The following BAZ2A variants were observed in gnomAD, a reference collection of about 807,000 sequenced individuals.
BAZ2A encodes the protein bromodomain adjacent to zinc finger domain protein 2A.
Under a neutral mutation model 199.9 loss-of-function variants are expected in BAZ2A, and 34 were observed. The ratio of observed to expected loss-of-function variants is 0.17; its 90% CI spans 0.13 to 0.23. BAZ2A has a LOEUF of 0.23. Among genes scored for constraint, BAZ2A ranks in the 10% least tolerant of loss-of-function variants. The pLI is 1.00. For synonymous variants in BAZ2A, 857 were observed against 883.9 expected (o/e 0.97, Z 0.54); for missense variants, 2,002 against 2,391.1 (o/e 0.84, Z 3.39).
At chr12:56,605,508 A>AC (rs1373713343) in intron 13 of BAZ2A, 181 bp from the exon 14 acceptor site, 1 of 703,046 alleles carries the variant, frequency 1.4e-6, no homozygotes, top group African/African-American at 1.8e-5. Context: ...TGCAGCCTCG[A>AC]CCTCCTAAGC....
At chr12:56,636,241 C>T (rs1276459183) in exon 1 of BAZ2A, 10 of 1,574,102 alleles carry the variant, frequency 6.4e-6, no homozygotes, top group Non-Finnish European at 7.8e-6. Flanking sequence ...GTCCTTGGGC[C>T]TCCACTTCAC....
chr12:56,620,537 A>T (rs187488855), intron 1 of BAZ2A, among the ~76,000 whole-genome samples: 1 of 151,038 alleles, frequency 6.6e-6, no homozygotes, highest in East Asian at 2.0e-4. Flanking sequence ...CAAACAAACA[A>T]AACACACAGG....
rs1382257249 is a variant in BAZ2A, at chr12:56,601,643, G to A, written c.3974C>T (p.Ser1325Leu). 5 of 1,613,876 alleles carry A rather than the reference G, an allele frequency of 3.1e-6. No homozygotes were observed. The highest frequency in any genetic ancestry group is 1.6e-4 in the Middle Eastern group (1 of 6,084). Residue 1325 changes from serine to leucine, a missense_variant, in exon 20 of 29, where the codon TCA becomes TTA. Transcript: ENST00000549884. ...PDPQALWFNI[S>L]AQMPCNAAPT... Reference sequence around the variant, plus strand: ...GGCAGCATTGCAGGGCATCTGGGCTGAGATGTTAAACCAGAGTGCTTGAGG... The same window carrying A: ...GGCAGCATTGCAGGGCATCTGGGCTAAGATGTTAAACCAGAGTGCTTGAGG...
upstream of BAZ2A, among the ~76,000 whole-genome samples, chr12:56,634,733 G>A (rs1014301191): frequency 6.6e-6 from 1 of 152,200 alleles, no homozygotes; most frequent in Non-Finnish European, 1.5e-5. Flanking sequence ...CTCGGGAGAC[G>A]ATGGCGGAGA....
upstream of BAZ2A, among the ~76,000 whole-genome samples, chr12:56,637,202 G>A (rs1228167572): frequency 6.6e-6 from 1 of 152,246 alleles, no homozygotes; most frequent in East Asian, 1.9e-4. Context: ...TACCGCGAGA[G>A]GGCAGTCGGA....
intron 1 of BAZ2A, among the ~76,000 whole-genome samples, chr12:56,628,424 A>G (rs774247327): frequency 2.6e-5 from 4 of 152,090 alleles, no homozygotes; most frequent in Non-Finnish European, 5.9e-5. Flanking sequence ...AAGCTTACCA[A>G]TCTCCAAGAA....
chr12:56,601,815 G>A lies in BAZ2A; in HGVS notation c.3802C>T (p.Leu1268=), dbSNP rs768926759. 3 of 1,613,908 alleles carry A rather than the reference G, an allele frequency of 1.9e-6. No individual in the cohort carries two copies. The highest frequency in any genetic ancestry group is 2.7e-5 in the African/African-American group (2 of 74,916). The change falls in exon 20 of 29, where the codon CTG becomes TTG. Residue 1268 remains leucine, a synonymous_variant. Transcript: ENST00000549884. Reference sequence around the variant, plus strand: ...CTCTGAGTCTGGCTCAGCCAAGACAGGAAGGCTGACTGGCTGAGGTCATGC... The same window carrying A: ...CTCTGAGTCTGGCTCAGCCAAGACAAGAAGGCTGACTGGCTGAGGTCATGC... ...SQHDLSQSAF[L]SWLSQTQSHS...
intron 1 of BAZ2A, among the ~76,000 whole-genome samples, chr12:56,629,648 G>A (rs1030745815): frequency 5.9e-5 from 9 of 152,058 alleles, no homozygotes; most frequent in Admixed American, 4.6e-4. Flanking sequence ...TCAGACCCCT[G>A]GAAACCCCTT....
Position 56,602,808 on chromosome 12 carries a change from C to T in BAZ2A, c.3329G>A (p.Arg1110Gln), listed in dbSNP as rs1308345739. ...KKLLHSSQML[R>Q]AVSLGQDRYR... ...GCGGTCCTGACCCAGGGAGACCGCC[C>T]GAAGCATCTGGGATGAGTGAAGCAG... is the stretch of plus-strand genomic sequence containing the variant. Residue 1110 changes from arginine (R) to glutamine (Q), a missense_variant, in exon 19 of 29, where the codon CGG (arginine) becomes CAG (glutamine). Arg to Gln is a conservative substitution (Grantham distance 43). Coordinates refer to ENST00000549884, the MANE Select transcript of BAZ2A (RefSeq NM_001300905.2). 8.7e-6 allele frequency: 14 copies of T among 1,613,564 alleles called. No individual in the cohort carries two copies. Among genetic ancestry groups the T allele is most frequent in the African/African-American group, 2.7e-5 (2 of 74,886 alleles).
In BAZ2A at chr12:56,606,693, G is replaced by A; in HGVS notation, c.2133C>T (p.Ser711=). Residue 711 remains serine (S), a synonymous_variant, in exon 11 of 29, where the codon AGC becomes AGT. Transcript: ENST00000549884. ...GAACCTTCTGCCTCATCTTCTTCTT[G>A]CTTTTAGCAATCTTTGCTTTATCCT... ...NEEDKAKIAK[S]KKKMRQKVQR... The A allele has an allele frequency of 6.2e-7, 1 of 1,613,798 alleles. No individual in the cohort carries two copies. The highest frequency in any genetic ancestry group is 8.5e-7 in the Non-Finnish European group (1 of 1,179,872).
rs548977400 is a variant in BAZ2A, at chr12:56,628,887, G to A, written c.-3+1238C>T. Among the ~76,000 whole-genome samples, 249 of 152,274 alleles carry A rather than the reference G, an allele frequency of 1.6e-3. 1 individual carries two copies. The highest frequency in any genetic ancestry group is 2.8e-3 in the Non-Finnish European group (188 of 68,018). On this transcript the variant is annotated intron_variant, in intron 1 of 28. Coordinates refer to ENST00000549884, the MANE Select transcript of BAZ2A (RefSeq NM_001300905.2). Reference sequence around the variant, plus strand: ...TTACATAGAGCGTACCCCGCTGGTAGATAACTGAGTTTGCTTCTCTATGAC... The same window carrying A: ...TTACATAGAGCGTACCCCGCTGGTAAATAACTGAGTTTGCTTCTCTATGAC...
chr12:56,610,485 C>T lies in BAZ2A; in HGVS notation c.1703G>A (p.Ser568Asn), dbSNP rs1248314226. The change falls in exon 8 of 29, where the codon AGC (serine) becomes AAC (asparagine). Residue 568 changes from serine to asparagine, a missense_variant. By Grantham distance (46) the Ser-to-Asn change is conservative (BLOSUM62 1). Around this residue, in one of 6 missense-constraint regions of BAZ2A, gnomAD observed 641 missense variants for 694.5 expected, o/e 0.92. Coordinates refer to ENST00000549884, the MANE Select transcript of BAZ2A (RefSeq NM_001300905.2). ...CCAGGTCTCCCCCTGCCATCGGTGG[C>T]TGCCCTTCTTGATGCGCACCTCTCT... ...WRREVRIKKG[S>N]HRWQGETWYY... 9.3e-6 allele frequency: 15 copies of T among 1,613,494 alleles called. No homozygotes were observed. The highest frequency in any genetic ancestry group is 3.3e-5 in the Admixed American group (2 of 59,936).
rs1031305287 is a variant in BAZ2A at position 56,610,549 on chromosome 12, G to A, written c.1671-32C>T. On this transcript the variant is annotated intron_variant, in intron 7 of 28. Transcript: ENST00000549884. ...GAGAAGCACATGGGCCCTGCCGCCA[G>A]GTCACACCCCTACCCACTCCCATGC... The A allele has an allele frequency of 3.1e-6, 5 of 1,587,674 alleles. No individual in the cohort carries two copies. In the East Asian group the frequency reaches 9.1e-5, roughly 29 times the overall value.
At chr12:56,637,474 C>T (rs778667897), upstream of BAZ2A, among the ~76,000 whole-genome samples, 5 of 152,222 alleles carry the variant, frequency 3.3e-5, no homozygotes, top group Non-Finnish European at 5.9e-5. Flanking sequence ...TTATATGCCT[C>T]TGCATAGCCT....
intron 1 of BAZ2A, among the ~76,000 whole-genome samples, chr12:56,623,638 CA>C (rs1950993729): frequency 6.6e-6 from 1 of 152,128 alleles, no homozygotes; most frequent in South Asian, 2.1e-4. Flanking sequence ...AGGTTCTCAT[CA>C]GGGGCAATTC....
At chr12:56,622,797 A>C (rs1950960500) in intron 1 of BAZ2A, among the ~76,000 whole-genome samples, 1 of 152,202 alleles carries the variant, frequency 6.6e-6, no homozygotes, top group African/African-American at 2.4e-5. Flanking sequence ...ATCTTTTAAG[A>C]GCTCCTATGT....
intron 1 of BAZ2A, among the ~76,000 whole-genome samples, chr12:56,618,307 C>T (rs1950789290): frequency 6.6e-6 from 1 of 152,000 alleles, no homozygotes; most frequent in African/African-American, 2.4e-5. Flanking sequence ...TATAAAGAAA[C>T]GGTCACAGGG....
intron 1 of BAZ2A, among the ~76,000 whole-genome samples, chr12:56,625,823 T>A (rs1951075984): frequency 7.4e-6 from 1 of 134,548 alleles, no homozygotes; most frequent in African/African-American, 2.9e-5. Flanking sequence ...TTGCAGTGAG[T>A]CGAGATCGCG....
At chr12:56,611,661 G>T in intron 6 of BAZ2A, 28 bp from the exon 7 acceptor site, 2 of 1,580,962 alleles carry the variant, frequency 1.3e-6, no homozygotes, top group Non-Finnish European at 1.7e-6. Context: ...CCCAAGTTAA[G>T]AGTTCAAGCA....
Sources: allele counts gnomAD v4.1 joint callset (sites outside exome capture counted in the v4.1 genomes callset), GRCh38; gene constraint gnomAD v4.1.1; regional missense constraint gnomAD v4.1.1; transcripts MANE v1.5; gene names NCBI Gene and HGNC (gene_info 2026-07-23, HGNC 2026-07-21).